The following NR2C2 variants were observed in gnomAD, a reference collection of about 807,000 sequenced individuals.
The protein encoded by NR2C2 is nuclear receptor subfamily 2 group C member 2.
A neutral mutation model predicts 62.9 loss-of-function variants in NR2C2; 6 were observed. The ratio of observed to expected loss-of-function variants is 0.10; its 90% confidence interval spans 0.05 to 0.19. The LOEUF (loss-of-function observed/expected upper bound fraction) is 0.19, where lower values mean the gene tolerates loss of function less well. Ranked by LOEUF, NR2C2 falls within the 10% of genes least tolerant of loss-of-function variation. The pLI, the probability that NR2C2 is intolerant of heterozygous loss-of-function variation, is 1.00. For synonymous variants in NR2C2, 272 were observed against 273.8 expected, an observed-to-expected ratio of 0.99 and a Z score of 0.07; for missense variants, 479 against 762.7, an observed-to-expected ratio of 0.63 and a Z score of 4.38.
chr3:15,014,184 C>G (rs752282231), intron 3 of NR2C2, among the ~76,000 whole-genome samples: 2 of 152,136 alleles, frequency 1.3e-5, no homozygotes, highest in Non-Finnish European at 2.9e-5. Flanking sequence ...GGTCTGTGGC[C>G]CCAGCTTTTC....
intron 1 of NR2C2, among the ~76,000 whole-genome samples, chr3:14,972,008 C>T (rs1186774313): frequency 1.3e-5 from 2 of 151,510 alleles, no homozygotes; most frequent in African/African-American, 2.4e-5. Flanking sequence ...GGGGTATCTC[C>T]GTGTTGGTCA....
In NR2C2 at chr3:15,023,258, T is replaced by C. The variant is rs2041727574; in HGVS notation, c.615T>C (p.Ala205=). 2 of 1,614,264 alleles carry C rather than the reference T, an allele frequency of 1.2e-6. No individual in the cohort carries two copies. The highest frequency in any genetic ancestry group is 1.7e-6 in the Non-Finnish European group (2 of 1,180,038). The change falls in exon 6 of 14, where the codon GCT becomes GCC. Residue 205 remains alanine, a synonymous_variant. Coordinates refer to ENST00000425241, the MANE Select transcript of NR2C2 (RefSeq NM_001291694.2). ...AACGGGAGAAACCAAGCAATTGTGC[T>C]GCTTCAACTGAGAAAATCTATATCC... ...DVQREKPSNC[A]ASTEKIYIRK...
intron 2 of NR2C2, among the ~76,000 whole-genome samples, chr3:15,010,760 A>C (rs1358173615): frequency 1.3e-5 from 2 of 151,840 alleles, no homozygotes; most frequent in East Asian, 1.9e-4. Flanking sequence ...ATATACTGCC[A>C]CTAAGAGCTG....
Position 15,016,184 on chromosome 3 carries a change from A to C in NR2C2, c.306A>C (p.Leu102Phe). ...CGGATTCTGCCTCTGTGGAGCGTTT[A>C]CTGGGGAAGACGGACGTCCAGCGGC... ...IVTDSASVER[L>F]LGKTDVQRPQ... The change falls in exon 4 of 14, where the codon TTA (leucine) becomes TTC (phenylalanine). Residue 102 changes from leucine to phenylalanine, a missense_variant. By Grantham distance (22) the Leu-to-Phe change is conservative. Coordinates refer to ENST00000425241, the MANE Select transcript of NR2C2 (RefSeq NM_001291694.2). 1 of 1,614,054 alleles carries C rather than the reference A, an allele frequency of 6.2e-7. No individual in the cohort carries two copies. Among genetic ancestry groups the C allele is most frequent in the Non-Finnish European group, 8.5e-7 (1 of 1,179,972 alleles).
At chr3:15,001,025 A>C (rs2040978777) in intron 1 of NR2C2, among the ~76,000 whole-genome samples, 1 of 151,964 alleles carries the variant, frequency 6.6e-6, no homozygotes, top group South Asian at 2.1e-4. Flanking sequence ...TGTGTTAGCC[A>C]GGGTGGTCTC....
At chr3:14,988,803 TATTC>T (rs1007999809) in intron 1 of NR2C2, among the ~76,000 whole-genome samples, 3 of 152,114 alleles carry the variant, frequency 2.0e-5, no homozygotes, top group Non-Finnish European at 4.4e-5. Context: ...ATGGATGACA[TATTC>T]ATCCATTCAT....
chr3:14,949,079 C>T (rs1017407171), intron 1 of NR2C2, among the ~76,000 whole-genome samples: 2 of 152,204 alleles, frequency 1.3e-5, no homozygotes, highest in African/African-American at 4.8e-5. Flanking sequence ...TGATTCTCTT[C>T]TCATTCGTTC....
At chr3:14,955,852 G>A (rs2039509574) in intron 1 of NR2C2, among the ~76,000 whole-genome samples, 2 of 151,426 alleles carry the variant, frequency 1.3e-5, no homozygotes, top group South Asian at 4.2e-4. Context: ...TAGGGGAGGT[G>A]TCAACACAGA....
chr3:14,981,857 A>G (rs1276908968), intron 1 of NR2C2, among the ~76,000 whole-genome samples: 2 of 152,196 alleles, frequency 1.3e-5, no homozygotes, highest in African/African-American at 4.8e-5. Context: ...CATCCAGCAC[A>G]GGAGAAAGAT....
chr3:15,007,440 T>C (rs879855137), intron 2 of NR2C2, among the ~76,000 whole-genome samples: 4 of 152,192 alleles, frequency 2.6e-5, no homozygotes, highest in Non-Finnish European at 5.9e-5. Flanking sequence ...TGACCTCTCT[T>C]TTTAAAGTTA....
chr3:15,046,985 T>A lies in NR2C2; in HGVS notation c.*3977T>A, dbSNP rs2042477186. 6.6e-6 allele frequency: 1 copy of A among 152,652 alleles called. No individual in the cohort carries two copies. The highest frequency in any genetic ancestry group is 1.5e-5 in the Non-Finnish European group (1 of 68,038). 9.5% of individuals were successfully genotyped at this position (152,652 alleles called of 1,614,324 possible). A position where few individuals can be genotyped will look rare whatever the true frequency, so the allele number is the denominator to read the frequency against. ...GTGCCTCCCACCAGCGTGCACTTCG[T>A]ATGTCCAGCCCTGGGTCCCTTCAGC... On this transcript the variant is annotated 3_prime_UTR_variant, in exon 14 of 14. Transcript: ENST00000425241.
intron 1 of NR2C2, among the ~76,000 whole-genome samples, chr3:14,950,118 A>G (rs1327710543): frequency 6.6e-6 from 1 of 152,208 alleles, no homozygotes; most frequent in African/African-American, 2.4e-5. Context: ...GTCATTATGA[A>G]CTACTGGTAT....
rs369008989 is a variant in NR2C2 at position 15,016,241 on chromosome 3, C to T, written c.363C>T (p.Gly121=). ...PQVVEYCVVC[G]DKASGRHYGA... ...TGGTAGAGTACTGTGTGGTCTGTGG[C>T]GACAAAGCCTCCGGTATGTAGTTCC... The change falls in exon 4 of 14, where the codon GGC becomes GGT. Residue 121 remains glycine, a synonymous_variant. Transcript: ENST00000425241. The T allele has an allele frequency of 3.0e-5, 49 of 1,613,312 alleles. No homozygotes were observed. In the South Asian group the frequency reaches 4.1e-4, roughly 13 times the overall value.
At chr3:15,032,020 G>A (rs193084099) in intron 9 of NR2C2, among the ~76,000 whole-genome samples, 285 of 152,216 alleles carry the variant, frequency 1.9e-3, no homozygotes, top group African/African-American at 6.6e-3. Context: ...TGAGCCACCC[G>A]CACCTGGCCC....
At chr3:14,960,396 G>T (rs983301763) in intron 1 of NR2C2, among the ~76,000 whole-genome samples, 4 of 152,018 alleles carry the variant, frequency 2.6e-5, no homozygotes, top group African/African-American at 9.7e-5. Context: ...TTTATCTTGG[G>T]ATCCCCAGCC....
chr3:14,964,137 A>T (rs1455782731), intron 1 of NR2C2, among the ~76,000 whole-genome samples: 1 of 152,210 alleles, frequency 6.6e-6, no homozygotes, highest in African/African-American at 2.4e-5. Flanking sequence ...GTTTTACCCT[A>T]GGCTAATCAA....
intron 2 of NR2C2, 63 bp from the exon 3 acceptor site, chr3:15,013,526 C>A: frequency 6.8e-7 from 1 of 1,477,720 alleles, no homozygotes; most frequent in Non-Finnish European, 9.4e-7. Context: ...CTTTGAGCAC[C>A]ACCTGCAAAT....
At chr3:14,948,340 GT>G (rs2039206993) in intron 1 of NR2C2, 1 of 152,270 alleles carries the variant, frequency 6.6e-6, no homozygotes, top group South Asian at 2.1e-4. Flanking sequence ...TTTGGCGGCC[GT>G]CGCAGCCCAA....
chr3:14,958,080 A>G (rs528748999), intron 1 of NR2C2, among the ~76,000 whole-genome samples: 29 of 152,120 alleles, frequency 1.9e-4, no homozygotes, highest in Non-Finnish European at 3.4e-4. Context: ...CTCTCCTGTA[A>G]CGTTTTCATT....
Sources: gnomAD v4.1 joint callset for allele counts (sites outside exome capture counted in the v4.1 genomes callset) on GRCh38, gnomAD v4.1.1 for gene constraint, MANE v1.5 for transcripts, NCBI Gene and HGNC (gene_info 2026-07-23, HGNC 2026-07-21) for gene names.